The following ZNF106 variants were observed in gnomAD, a reference collection of about 807,000 sequenced individuals.
ZNF106 encodes the protein SH3-domain binding protein 3.
A neutral mutation model predicts 195.1 loss-of-function variants in ZNF106; 67 were observed. The ratio of observed to expected loss-of-function variants is 0.34; its 90% CI spans 0.28 to 0.42. The LOEUF is 0.42. Among genes scored for constraint, ZNF106 ranks in the 10% least tolerant of loss-of-function variants. The probability of loss-of-function intolerance (pLI) is 1.00; values close to 1 mark genes in which losing one functional copy is unlikely to be tolerated. For synonymous variants in ZNF106, 784 were observed against 818.6 expected (o/e 0.96, Z 0.72); for missense variants, 2,118 against 2,304.5 (o/e 0.92, Z 1.66).
intron 1 of ZNF106, among the ~76,000 whole-genome samples, chr15:42,476,401 G>C (rs781048701): frequency 6.6e-6 from 1 of 152,092 alleles, no homozygotes; most frequent in Non-Finnish European, 1.5e-5. Flanking sequence ...CCAACTCTGT[G>C]ATCTCAACCA....
chr15:42,428,393 T>C (rs1286974793), intron 14 of ZNF106, among the ~76,000 whole-genome samples: 1 of 152,234 alleles, frequency 6.6e-6, no homozygotes, highest in South Asian at 2.1e-4. Context: ...GTAGAAATTC[T>C]TCAAAGGGTA....
chr15:42,418,510 C>T (rs7182306), intron 20 of ZNF106, among the ~76,000 whole-genome samples: 2,219 of 147,666 alleles, frequency 0.015, 56 homozygotes, highest in African/African-American at 0.053. Context: ...GGATTACAGG[C>T]GTGCACCACC....
chr15:42,423,746 A>G (rs7169521), intron 17 of ZNF106, among the ~76,000 whole-genome samples: 53,855 of 152,020 alleles, frequency 0.35, 12,312 homozygotes, highest in African/African-American at 0.65. Context: ...TCAGCTGCTC[A>G]GTTTATTTCA....
intron 3 of ZNF106, among the ~76,000 whole-genome samples, chr15:42,457,717 T>TTTGGTCTGGATG (rs1358018968): frequency 6.6e-6 from 1 of 152,146 alleles, no homozygotes; most frequent in Non-Finnish European, 1.5e-5. Flanking sequence ...GGCAAACTTT[T>TTTGGTCTGGATG]TTGGTCTGGA....
intron 14 of ZNF106, among the ~76,000 whole-genome samples, chr15:42,432,108 G>A (rs1357104453): frequency 6.6e-6 from 1 of 152,134 alleles, no homozygotes; most frequent in East Asian, 1.9e-4. Flanking sequence ...TCTTTCGGGT[G>A]TGCTGACTCA....
chr15:42,459,358 C>A (rs1325156317), intron 3 of ZNF106, among the ~76,000 whole-genome samples: 1 of 152,038 alleles, frequency 6.6e-6, no homozygotes, highest in African/African-American at 2.4e-5. Flanking sequence ...CACCTGTAAT[C>A]CCAGCTACTC....
intron 1 of ZNF106, among the ~76,000 whole-genome samples, chr15:42,486,787 G>GTT (rs577134336): frequency 6.7e-6 from 1 of 148,716 alleles, no homozygotes; most frequent in South Asian, 2.1e-4. Context: ...GTGAGGACTT[G>GTT]TTATATATAT....
rs751162191 is a variant in ZNF106 at position 42,439,826 on chromosome 15, G to GA, written c.3764-14dup. ...TCACTGATCTCTCCTGAATTGAGAG[G>GA]AAAAAAATTATTGCATCCTTTTTTG... On this transcript the variant is annotated splice_polypyrimidine_tract_variant and intron_variant, in intron 10 of 21. Transcript: ENST00000564754. 4 of 1,490,596 alleles carry GA rather than the reference G, an allele frequency of 2.7e-6. No individual in the cohort carries two copies. In the Admixed American group the frequency reaches 7.5e-5, roughly 28 times the overall value. 92.3% of individuals were successfully genotyped at this position (1,490,596 alleles called of 1,614,324 possible). A position where few individuals can be genotyped will look rare whatever the true frequency, so the allele number is the denominator to read the frequency against.
chr15:42,490,026 G>C (rs1285897854), intron 1 of ZNF106, among the ~76,000 whole-genome samples: 5 of 151,700 alleles, frequency 3.3e-5, no homozygotes, highest in Non-Finnish European at 7.4e-5. Context: ...GCGAAAGAGC[G>C]AAACTCCGTC....
chr15:42,445,015 C>A, intron 7 of ZNF106, 34 bp from the exon 8 acceptor site: 3 of 1,611,032 alleles, frequency 1.9e-6, no homozygotes, highest in Non-Finnish European at 2.5e-6. Context: ...CAGGTTAATA[C>A]GAGAGATTTC....
At chr15:42,487,539 C>G (rs1469351185) in intron 1 of ZNF106, among the ~76,000 whole-genome samples, 1 of 150,054 alleles carries the variant, frequency 6.7e-6, no homozygotes, top group Non-Finnish European at 1.5e-5. Flanking sequence ...CTATTACTAC[C>G]CCCTCCTGTT....
chr15:42,421,794 C>G (rs2054666451), intron 19 of ZNF106, 123 bp downstream of exon 19: 1 of 668,740 alleles, frequency 1.5e-6, no homozygotes, highest in African/African-American at 1.8e-5. Context: ...CCTATTATGC[C>G]AAGAGATGGG....
chr15:42,454,722 A>G (rs2056166966), intron 4 of ZNF106, among the ~76,000 whole-genome samples: 2 of 151,350 alleles, frequency 1.3e-5, no homozygotes, highest in South Asian at 4.2e-4. Context: ...CATCTCTACC[A>G]AAAATAAAAA....
Position 42,472,290 on chromosome 15 carries a change from A to G in ZNF106, c.-1T>C. On this transcript the variant is annotated 5_prime_UTR_variant, in exon 2 of 22. Transcript: ENST00000564754. ...ATATGCATTTTCGTTCTCGTACCAT[A>G]GTGACCAGATCTGAAGCACTCAACG... The G allele has an allele frequency of 6.5e-7, 1 of 1,535,806 alleles. No individual in the cohort carries two copies. Among genetic ancestry groups the G allele is most frequent in the Non-Finnish European group, 8.7e-7 (1 of 1,146,748 alleles).
At chr15:42,436,071 A>G (rs2141304353) in intron 13 of ZNF106, among the ~76,000 whole-genome samples, 1 of 151,472 alleles carries the variant, frequency 6.6e-6, no homozygotes, top group African/African-American at 2.4e-5. Flanking sequence ...CTCCTGCCTC[A>G]GCCTCCCAAG....
chr15:42,417,504 C>T (rs534362298), intron 21 of ZNF106, 144 bp from the exon 22 acceptor site: 73 of 929,754 alleles, frequency 7.9e-5, no homozygotes, highest in Middle Eastern at 2.2e-4. Context: ...TGCTAACTTA[C>T]GTGAAACCAT....
chr15:42,437,325 C>T lies in ZNF106; in HGVS notation c.4653G>A (p.Glu1551=). Residue 1551 remains glutamate (E), a synonymous_variant, in exon 13 of 22, where the codon GAG becomes GAA. Transcript: ENST00000564754. ...DDDEPTEGSF[E]GHQAAVNAIQ... is the part of the protein sequence containing the mutation. ...TTGCATTTACGGCAGCTTGGTGTCC[C>T]TCAAAGCTTCCTTCTGTGGGTTCAT... The T allele has an allele frequency of 6.2e-7, 1 of 1,614,168 alleles. No individual in the cohort carries two copies. The highest frequency in any genetic ancestry group is 8.5e-7 in the Non-Finnish European group (1 of 1,180,040).
Position 42,444,106 on chromosome 15 carries a change from T to C in ZNF106, c.3421+96A>G, listed in dbSNP as rs538637864. 1.3e-5 allele frequency: 10 copies of C among 764,134 alleles called. No homozygotes were observed. The African/African-American group carries it at 2.4e-4, about 19-fold the overall frequency. The allele number at this position is 764,134 out of a possible 1,614,324, so 47.3% of individuals were successfully genotyped here. On this transcript the variant is annotated intron_variant, in intron 9 of 21. Transcript: ENST00000564754. Reference sequence around the variant, plus strand: ...CAGCCTGGGAAATAGAGCAAGACTCTGTCTCCAAAAAAAAAAAAAAAAAAA... The same window carrying C: ...CAGCCTGGGAAATAGAGCAAGACTCCGTCTCCAAAAAAAAAAAAAAAAAAA...
chr15:42,449,102 A>C (rs1269701580), intron 5 of ZNF106, among the ~76,000 whole-genome samples: 2 of 152,168 alleles, frequency 1.3e-5, no homozygotes, highest in Non-Finnish European at 2.9e-5. Context: ...GTGGGAAAGG[A>C]AAGTGGGGGG....
Sources: allele counts gnomAD v4.1 joint callset (sites outside exome capture counted in the v4.1 genomes callset), GRCh38; gene constraint gnomAD v4.1.1; transcripts MANE v1.5; gene names NCBI Gene and HGNC (gene_info 2026-07-23, HGNC 2026-07-21).